LRRC42: variants seen among roughly 807,000 people sequenced by gnomAD.
LRRC42 encodes the protein leucine rich repeat containing 42, also known as leucine-rich repeat-containing protein 42.
In LRRC42, 43 loss-of-function variants were observed where a neutral mutation model predicts 44.3. The ratio of observed to expected loss-of-function variants is 0.97; its 90% CI spans 0.76 to 1.25. LRRC42 has a LOEUF of 1.25. Ranked by LOEUF, LRRC42 falls within the 50% of genes most tolerant of loss-of-function variation. LRRC42 has a pLI of 0.00. For missense variants in LRRC42, 540 were observed against 509.1 expected (o/e 1.06, Z -0.58); for synonymous variants, 207 against 195.2 (o/e 1.06, Z -0.50).
intron 3 of LRRC42, 21 bp from the exon 4 acceptor site, chr1:53,958,128 A>AT (rs898479274): frequency 1.9e-6 from 3 of 1,612,724 alleles, no homozygotes; most frequent in African/African-American, 2.7e-5. Flanking sequence ...GAAGCTATTG[A>AT]TTGCTCTCCA....
intron 3 of LRRC42, among the ~76,000 whole-genome samples, chr1:53,954,554 T>C (rs919309794): frequency 1.1e-4 from 16 of 152,242 alleles, no homozygotes; most frequent in African/African-American, 3.1e-4. Flanking sequence ...ATGCATAAAA[T>C]TGTAGTATTA....
rs778920361 is a variant in LRRC42 at position 53,952,364 on chromosome 1, C to G, written c.365C>G (p.Ala122Gly). ...EQIAEKLFSA[A>G]EARQKFTEPG... ...ATTGCTGAAAAGCTGTTCTCTGCTGCTGAAGCCAGACAGAAATTCACTGAG... is the reference window on the plus strand; with the variant it reads ...ATTGCTGAAAAGCTGTTCTCTGCTGGTGAAGCCAGACAGAAATTCACTGAG... The change falls in exon 3 of 9, where the codon GCT becomes GGT. Residue 122 changes from alanine (A) to glycine (G), a missense_variant. Physicochemically the swap from Ala to Gly is moderately conservative, Grantham distance 60. Coordinates refer to ENST00000371370, the MANE Select transcript of LRRC42 (RefSeq NM_001256409.2). The G allele has an allele frequency of 6.2e-7, 1 of 1,614,066 alleles. No homozygotes were observed.
rs1049764342 is a variant in LRRC42 at position 53,958,746 on chromosome 1, C to T, written c.605+466C>T. 3.9e-5 allele frequency among the ~76,000 whole-genome samples: 6 copies of T among 152,018 alleles called. No homozygotes were observed. The South Asian group carries it at 6.2e-4, about 16-fold the overall frequency. ...GGATTACAGGCATGCACCACCACGCCCAGCTAATTTTGTATTTTTAGTAGA... is the reference window on the plus strand; with the variant it reads ...GGATTACAGGCATGCACCACCACGCTCAGCTAATTTTGTATTTTTAGTAGA... On this transcript the variant is annotated intron_variant, in intron 4 of 8. Coordinates refer to ENST00000371370, the MANE Select transcript of LRRC42 (RefSeq NM_001256409.2).
At chr1:53,949,745 G>A (rs888634756) in intron 2 of LRRC42, among the ~76,000 whole-genome samples, 1 of 152,138 alleles carries the variant, frequency 6.6e-6, no homozygotes, top group Non-Finnish European at 1.5e-5. Flanking sequence ...TTTTAGTTTA[G>A]TTGTCTCCCA....
chr1:53,951,450 G>A (rs1654676165), intron 2 of LRRC42, among the ~76,000 whole-genome samples: 1 of 152,112 alleles, frequency 6.6e-6, no homozygotes, highest in Non-Finnish European at 1.5e-5. Context: ...TTGAGACGGA[G>A]TCTCGCTCTT....
intron 8 of LRRC42, among the ~76,000 whole-genome samples, 189 bp from the exon 9 acceptor site, chr1:53,967,476 T>C (rs1243031491): frequency 6.6e-6 from 1 of 152,214 alleles, no homozygotes; most frequent in East Asian, 1.9e-4. Context: ...TCTGTCAGAC[T>C]GTAGTATGCC....
chr1:53,952,583 G>A, intron 3 of LRRC42, 111 bp downstream of exon 3: 1 of 825,922 alleles, frequency 1.2e-6, no homozygotes, highest in Non-Finnish European at 1.8e-6. Context: ...CTTCAGTTTA[G>A]AACTTCCAAA....
intron 8 of LRRC42, among the ~76,000 whole-genome samples, chr1:53,966,872 G>T (rs1181651102): frequency 1.3e-5 from 2 of 152,052 alleles, no homozygotes; most frequent in Non-Finnish European, 2.9e-5. Context: ...CTTGTATAAG[G>T]TACCTAGAAT....
intron 8 of LRRC42, 52 bp from the exon 9 acceptor site, chr1:53,967,613 G>C (rs140495032): frequency 6.5e-7 from 1 of 1,541,684 alleles, no homozygotes; most frequent in Non-Finnish European, 8.9e-7. Flanking sequence ...ACTGATGAGG[G>C]AATTAGCATA....
intron 1 of LRRC42, among the ~76,000 whole-genome samples, 155 bp downstream of exon 1, chr1:53,946,704 C>T (rs1654480185): frequency 7.7e-6 from 1 of 129,378 alleles, no homozygotes; most frequent in African/African-American, 3.0e-5. Context: ...CTGGTGGGGG[C>T]GATGGGTTTA....
At chr1:53,952,735 C>T (rs1654728118) in intron 3 of LRRC42, among the ~76,000 whole-genome samples, 1 of 152,158 alleles carries the variant, frequency 6.6e-6, no homozygotes, top group Non-Finnish European at 1.5e-5. Flanking sequence ...ATTCTAACAG[C>T]TTTCAAAGAG....
At chr1:53,960,093 T>A (rs958729267) in intron 4 of LRRC42, among the ~76,000 whole-genome samples, 112 of 152,122 alleles carry the variant, frequency 7.4e-4, no homozygotes, top group African/African-American at 2.6e-3. Context: ...GCTAATTTTT[T>A]AAAATTTCTT....
In LRRC42 at chr1:53,955,503, G is replaced by A. The variant is rs538135560; in HGVS notation, c.474-2646G>A. ...GGTAGAGATAGGGTTTCACCATGTT[G>A]ACCAGGCTGGTTTCGAACTGCTGAC... is the stretch of plus-strand genomic sequence containing the variant. On this transcript the variant is annotated intron_variant, in intron 3 of 8. Transcript: ENST00000371370. Among the ~76,000 whole-genome samples, 4 of 151,336 alleles carry A rather than the reference G, an allele frequency of 2.6e-5. No homozygotes were observed. The East Asian group carries it at 7.8e-4, about 29-fold the overall frequency.
chr1:53,961,861 T>A (rs544796593), intron 5 of LRRC42, 173 bp from the exon 6 acceptor site: 2 of 577,670 alleles, frequency 3.5e-6, no homozygotes, highest in Middle Eastern at 5.7e-4. Flanking sequence ...GTGGCTCTTT[T>A]ATATTACAAA....
chr1:53,965,929 G>A (rs967386936), intron 7 of LRRC42, among the ~76,000 whole-genome samples: 22 of 152,136 alleles, frequency 1.4e-4, no homozygotes, highest in African/African-American at 5.1e-4. Flanking sequence ...TTTAAGGCAC[G>A]AGAGTAAGTC....
At position 53,966,371 on chromosome 1, in the gene LRRC42, C is replaced by T; in HGVS notation, c.1003C>T (p.Gln335Ter). The T allele has an allele frequency of 6.2e-7, 1 of 1,613,128 alleles. No homozygotes were observed. The highest frequency in any genetic ancestry group is 8.5e-7 in the Non-Finnish European group (1 of 1,179,072). ...RETSEPRAAAQRFYGKRSRAE... is the reference protein window; with the variant it reads ...RETSEPRAAA The stretch of plus-strand genomic sequence containing the variant: ...GACCTCGGAGCCTAGAGCAGCAGCT[C>T]AGCGCTTCTGTGAGAAATTCCCTTT... The change falls in exon 8 of 9, where the codon CAG (glutamine) becomes TAG (stop). Residue 335 changes from glutamine to a stop codon, truncating the protein, a stop_gained. Transcript: ENST00000371370. LOFTEE classifies it high-confidence loss of function.
chr1:53,956,833 A>G (rs1487709178), intron 3 of LRRC42, among the ~76,000 whole-genome samples: 1 of 152,228 alleles, frequency 6.6e-6, no homozygotes, highest in Non-Finnish European at 1.5e-5. Flanking sequence ...TGATCAAAGT[A>G]TATGTGTTTT....
At position 53,962,024 on chromosome 1, in the gene LRRC42, T is replaced by C; in HGVS notation, c.725-10T>C. The C allele has an allele frequency of 6.3e-7, 1 of 1,598,300 alleles. No individual in the cohort carries two copies. The highest frequency in any genetic ancestry group is 8.5e-7 in the Non-Finnish European group (1 of 1,170,282). On this transcript the variant is annotated splice_polypyrimidine_tract_variant and intron_variant, in intron 5 of 8. Coordinates refer to ENST00000371370, the MANE Select transcript of LRRC42 (RefSeq NM_001256409.2). ...TTGTGACAGAATGCTACGTTGTTTTTGACATCTAGGTAACCCTGAGATCAC... is the reference window on the plus strand; with the variant it reads ...TTGTGACAGAATGCTACGTTGTTTTCGACATCTAGGTAACCCTGAGATCAC...
In LRRC42 at chr1:53,962,389, A is replaced by T; in HGVS notation, c.907A>T (p.Thr303Ser). Residue 303 changes from threonine (T) to serine (S), a missense_variant, in exon 7 of 9, where the codon ACA becomes TCA. Thr to Ser is a moderately conservative substitution (Grantham distance 58, BLOSUM62 1). Coordinates refer to ENST00000371370, the MANE Select transcript of LRRC42 (RefSeq NM_001256409.2). ...GGAATTTGATCATAGTAACTGCAAG[A>T]CAGAGGGCTGGGCTGACCAGGTACT... ...LKEFDHSNCKTEGWADQIVLQ... is the reference protein window; with the variant it reads ...LKEFDHSNCKSEGWADQIVLQ... The T allele has an allele frequency of 6.2e-7, 1 of 1,613,156 alleles. No individual in the cohort carries two copies. Among genetic ancestry groups the T allele is most frequent in the Non-Finnish European group, 8.5e-7 (1 of 1,179,084 alleles).
Sources: gnomAD v4.1 joint callset for allele counts (sites outside exome capture counted in the v4.1 genomes callset) on GRCh38, gnomAD v4.1.1 for gene constraint, MANE v1.5 for transcripts, NCBI Gene and HGNC (gene_info 2026-07-23, HGNC 2026-07-21) for gene names.